Variants in FGF12 observed in about 807,000 individuals in gnomAD.
FGF12 encodes fibroblast growth factor 12.
FGF12 carries 14 observed loss-of-function variants against 23.6 expected under a neutral mutation model. The observed-to-expected ratio is 0.59, with a 90% CI of 0.39 to 0.93. The LOEUF (loss-of-function observed/expected upper bound fraction) is 0.93. FGF12 is among the 40% of genes least tolerant of loss of function. The probability of loss-of-function intolerance (pLI) is 0.00; values close to 1 mark genes in which losing one functional copy is unlikely to be tolerated. For missense variants in FGF12, 175 were observed against 217.8 expected (o/e 0.80, Z 1.24); for synonymous variants, 62 against 77.3 (o/e 0.80, Z 1.04).
chr3:192,159,411 C>A (rs1714737352), intron 5 of FGF12, among the ~76,000 whole-genome samples: 1 of 152,186 alleles, frequency 6.6e-6, no homozygotes, highest in African/African-American at 2.4e-5. Context: ...AAATCACTGG[C>A]TACTCTATTT....
At chr3:192,542,204 C>G (rs1370772747) in intron 2 of FGF12, among the ~76,000 whole-genome samples, 2 of 151,928 alleles carry the variant, frequency 1.3e-5, no homozygotes, top group Admixed American at 1.3e-4. Context: ...TTTTCTGTCT[C>G]CCCTGGCTAT....
At chr3:192,683,788 T>C (rs1440216362) in intron 2 of FGF12, among the ~76,000 whole-genome samples, 1 of 152,154 alleles carries the variant, frequency 6.6e-6, no homozygotes, top group Non-Finnish European at 1.5e-5. Flanking sequence ...CTTTCTTTCC[T>C]TCCTAAAGGC....
At position 192,678,914 on chromosome 3, in the gene FGF12, C is replaced by A. The variant is rs954549847; in HGVS notation, c.13+48267G>T. ...CTCAATCTTTAATATGCTTCAGAGT[C>A]CCCTGAAGACCTTGCTGGGCCTACT... On this transcript the variant is annotated intron_variant, in intron 2 of 5. Transcript: ENST00000445105. 2.6e-5 allele frequency among the ~76,000 whole-genome samples: 4 copies of A among 152,070 alleles called. No homozygotes were observed. In the East Asian group the frequency reaches 7.8e-4, roughly 29 times the overall value.
At chr3:192,256,917 T>G (rs746933017) in intron 4 of FGF12, among the ~76,000 whole-genome samples, 2 of 152,126 alleles carry the variant, frequency 1.3e-5, no homozygotes, top group Non-Finnish European at 2.9e-5. Flanking sequence ...AATATTTGTT[T>G]TCACCATCGC....
Position 192,668,992 on chromosome 3 carries a change from G to A in FGF12, c.13+58189C>T, listed in dbSNP as rs776459822. 6.7e-4 allele frequency among the ~76,000 whole-genome samples: 102 copies of A among 152,044 alleles called. 1 individual carries two copies. The highest frequency in any genetic ancestry group is 6.7e-3 in the Admixed American group (102 of 15,262). The stretch of plus-strand genomic sequence containing the variant: ...TAAGCAAATAAGAAAAATGCAAAAC[G>A]TGAAACACAAATAAATATGCTCTAA... On this transcript the variant is annotated intron_variant, in intron 2 of 5. Transcript: ENST00000445105.
At chr3:192,383,829 C>T (rs1295025540) in intron 2 of FGF12, among the ~76,000 whole-genome samples, 1 of 152,030 alleles carries the variant, frequency 6.6e-6, no homozygotes, top group Non-Finnish European at 1.5e-5. Flanking sequence ...TTGGAGGCAC[C>T]AAGTGGAAGT....
intron 2 of FGF12, among the ~76,000 whole-genome samples, chr3:192,388,164 G>A (rs536580587): frequency 1.3e-5 from 2 of 152,198 alleles, no homozygotes; most frequent in South Asian, 2.1e-4. Flanking sequence ...GGGAGGTTGA[G>A]GCAGGAGGAT....
At chr3:192,506,068 G>A (rs781699990) in intron 2 of FGF12, among the ~76,000 whole-genome samples, 6 of 152,356 alleles carry the variant, frequency 3.9e-5, no homozygotes, top group East Asian at 1.9e-4. Flanking sequence ...GGCCCAGTGG[G>A]TCAAAAGGTG....
chr3:192,652,261 T>C (rs1203688867), intron 2 of FGF12, among the ~76,000 whole-genome samples: 1 of 152,180 alleles, frequency 6.6e-6, no homozygotes, highest in Non-Finnish European at 1.5e-5. Context: ...AGACAGCCTC[T>C]GGCATTTAGC....
rs902063566 is a variant in FGF12, at chr3:192,514,443, A to G, written c.14-153905T>C. Among the ~76,000 whole-genome samples, 1 of 152,222 alleles carries G rather than the reference A, an allele frequency of 6.6e-6. No homozygotes were observed. Among genetic ancestry groups the G allele is most frequent in the Admixed American group, 6.5e-5 (1 of 15,282 alleles). On this transcript the variant is annotated intron_variant, in intron 2 of 5. Transcript: ENST00000445105. This position sits in a 1 kb window ranked among gnomAD's most constrained non-coding sequence, Gnocchi z 4.9. ...GCCCAGGCGCGCCCGGCGAAAGCCAACGCGCTCTCCCTACAAAGCGTCGAT... is the reference window on the plus strand; with the variant it reads ...GCCCAGGCGCGCCCGGCGAAAGCCAGCGCGCTCTCCCTACAAAGCGTCGAT...
At chr3:192,263,002 A>C (rs1473434264) in intron 4 of FGF12, among the ~76,000 whole-genome samples, 2 of 152,090 alleles carry the variant, frequency 1.3e-5, no homozygotes, top group Non-Finnish European at 2.9e-5. Flanking sequence ...GTATAAAATC[A>C]AAAATTTTAC....
chr3:192,555,619 C>A (rs34609092), intron 2 of FGF12, among the ~76,000 whole-genome samples: 3 of 99,226 alleles, frequency 3.0e-5, no homozygotes, highest in African/African-American at 1.3e-4. Flanking sequence ...CCTGTCTTTA[C>A]TAAAAAGTAC....
intron 4 of FGF12, among the ~76,000 whole-genome samples, chr3:192,234,540 C>A (rs143983689): frequency 3.4e-4 from 52 of 152,210 alleles, no homozygotes; most frequent in African/African-American, 1.3e-3. Context: ...ATTTCTCATG[C>A]CTGATTGTTC....
chr3:192,306,460 T>C (rs1291273005), intron 4 of FGF12, among the ~76,000 whole-genome samples: 4 of 152,060 alleles, frequency 2.6e-5, no homozygotes, highest in Non-Finnish European at 5.9e-5. Context: ...TACCAAAAAA[T>C]TGGTCAAAGA....
chr3:192,357,149 C>T (rs1718508389), intron 3 of FGF12, among the ~76,000 whole-genome samples: 1 of 152,150 alleles, frequency 6.6e-6, no homozygotes, highest in Non-Finnish European at 1.5e-5. Context: ...ACTTTTATTA[C>T]TTTGTAATTT....
At position 192,335,482 on chromosome 3, in the gene FGF12, AG is replaced by A; in HGVS notation, c.125-19del. The stretch of plus-strand genomic sequence containing the variant: ...GAAGAGAGCTGGGGGGAGAAAAAGA[AG>A]GGCGGAAAGGATCAGTGACCTTTTG... On this transcript the variant is annotated intron_variant, in intron 3 of 5. Coordinates refer to ENST00000445105, the MANE Select transcript of FGF12 (RefSeq NM_004113.6). The A allele has an allele frequency of 1.3e-6, 2 of 1,486,666 alleles. No individual in the cohort carries two copies. The highest frequency in any genetic ancestry group is 1.9e-6 in the Non-Finnish European group (2 of 1,064,306). 92.1% of individuals were successfully genotyped at this position (1,486,666 alleles called of 1,614,324 possible). A position where few individuals can be genotyped will look rare whatever the true frequency, so the allele number is the denominator to read the frequency against.
At chr3:192,298,561 G>A (rs912223105) in intron 4 of FGF12, among the ~76,000 whole-genome samples, 7 of 151,944 alleles carry the variant, frequency 4.6e-5, no homozygotes, top group Non-Finnish European at 5.9e-5. Context: ...AAGACCAGCC[G>A]GGCCAAAATG....
chr3:192,455,708 C>A (rs972814609), intron 2 of FGF12, among the ~76,000 whole-genome samples: 1 of 152,150 alleles, frequency 6.6e-6, no homozygotes, highest in African/African-American at 2.4e-5. Context: ...TGCACTTAGT[C>A]TTTACCATGC....
At chr3:192,454,274 G>T (rs965331671) in intron 2 of FGF12, among the ~76,000 whole-genome samples, 2 of 152,016 alleles carry the variant, frequency 1.3e-5, no homozygotes, top group Non-Finnish European at 2.9e-5. Flanking sequence ...TCCTGACCTC[G>T]TGATCCACCC....
Sources: allele counts gnomAD v4.1 joint callset (sites outside exome capture counted in the v4.1 genomes callset), GRCh38; gene constraint gnomAD v4.1.1; non-coding constraint Gnocchi (gnomAD v3.1); transcripts MANE v1.5; gene names NCBI Gene and HGNC (gene_info 2026-07-23, HGNC 2026-07-21).